The following NUDT3 variants were observed in gnomAD, a reference collection of about 807,000 sequenced individuals.
NUDT3 encodes the protein diphosphoinositol polyphosphate phosphohydrolase 1.
In NUDT3, 9 loss-of-function variants were observed where a neutral mutation model predicts 23.6. The ratio of observed to expected loss-of-function variants is 0.38; its 90% CI spans 0.23 to 0.66. The LOEUF is 0.66. Among genes scored for constraint, NUDT3 ranks in the 30% least tolerant of loss-of-function variants. The pLI, the probability that NUDT3 is intolerant of heterozygous loss-of-function variation, is 0.52. For missense variants in NUDT3, 172 were observed against 218.5 expected (o/e 0.79, Z 1.34); for synonymous variants, 86 against 82.6 (o/e 1.04, Z -0.22).
chr6:34,318,731 ATT>A (rs55946074), intron 2 of NUDT3, among the ~76,000 whole-genome samples: 2 of 150,702 alleles, frequency 1.3e-5, no homozygotes, highest in Non-Finnish European at 1.5e-5. Flanking sequence ...TTTAAAAAAA[ATT>A]TTTTTTTTAA....
At chr6:34,311,011 C>T (rs1401700011) in intron 2 of NUDT3, among the ~76,000 whole-genome samples, 2 of 150,642 alleles carry the variant, frequency 1.3e-5, no homozygotes, top group East Asian at 1.9e-4. Flanking sequence ...AAAAAACTCT[C>T]GACAAACTAG....
At chr6:34,382,720 A>G (rs2113768935) in intron 1 of NUDT3, among the ~76,000 whole-genome samples, 1 of 152,130 alleles carries the variant, frequency 6.6e-6, no homozygotes, top group East Asian at 1.9e-4. Context: ...AATCTTAGCT[A>G]CACGGGAGGC....
At chr6:34,307,022 G>A (rs1763691525) in intron 2 of NUDT3, among the ~76,000 whole-genome samples, 1 of 152,142 alleles carries the variant, frequency 6.6e-6, no homozygotes, top group Non-Finnish European at 1.5e-5. Context: ...TTGTGAAGAG[G>A]AGTCTATTAA....
At chr6:34,307,197 C>T (rs375156281) in intron 2 of NUDT3, among the ~76,000 whole-genome samples, 2 of 152,072 alleles carry the variant, frequency 1.3e-5, no homozygotes, top group East Asian at 1.9e-4. Flanking sequence ...TGCATGAGCC[C>T]AGGAGTTCAA....
intron 2 of NUDT3, among the ~76,000 whole-genome samples, chr6:34,308,293 A>C (rs1233280641): frequency 6.6e-6 from 1 of 151,818 alleles, no homozygotes; most frequent in South Asian, 2.1e-4. Context: ...CCCTCTCTCT[A>C]CAAGAAATAA....
intron 1 of NUDT3, among the ~76,000 whole-genome samples, chr6:34,382,334 T>G (rs1456825146): frequency 1.3e-5 from 2 of 151,510 alleles, no homozygotes; most frequent in African/African-American, 2.4e-5. Context: ...GCCCGGAAGG[T>G]TGGGGCTGCA....
Position 34,287,670 on chromosome 6 carries a change from G to A in NUDT3, c.*1083C>T, listed in dbSNP as rs1370366917. ...AGGACTACATTGATGCACCTGCAAA[G>A]TAAAGTTGGATGCTTCAGAGCACAT... On this transcript the variant is annotated 3_prime_UTR_variant, in exon 5 of 5. Transcript: ENST00000607016. 6.6e-6 allele frequency: 1 copy of A among 152,246 alleles called. No homozygotes were observed. The highest frequency in any genetic ancestry group is 2.4e-5 in the African/African-American group (1 of 41,458). 9.4% of individuals were successfully genotyped at this position (152,246 alleles called of 1,614,324 possible).
chr6:34,325,550 C>A (rs1764012599), intron 2 of NUDT3, among the ~76,000 whole-genome samples: 1 of 152,130 alleles, frequency 6.6e-6, no homozygotes, highest in African/African-American at 2.4e-5. Flanking sequence ...ACTTCTTTTG[C>A]TGTATTTTTG....
chr6:34,330,661 G>GT (rs745858554), intron 2 of NUDT3, among the ~76,000 whole-genome samples: 8 of 151,948 alleles, frequency 5.3e-5, no homozygotes, highest in Non-Finnish European at 1.2e-4. Flanking sequence ...GCTGGGTGTG[G>GT]TGGTGCATGC....
rs544269134 is a variant in NUDT3 at position 34,387,869 on chromosome 6, G to T, written c.99+4395C>A. On this transcript the variant is annotated intron_variant, in intron 1 of 4. Transcript: ENST00000607016. Reference sequence around the variant, plus strand: ...TATTATCGAAGAAAAATAATTTTTTGATTTAGTGCAACCTAAGCTGTACAG... The same window carrying T: ...TATTATCGAAGAAAAATAATTTTTTTATTTAGTGCAACCTAAGCTGTACAG... Among the ~76,000 whole-genome samples the T allele has an allele frequency of 8.5e-5, 13 of 152,072 alleles. No homozygotes were observed. In the South Asian group the frequency reaches 2.7e-3, roughly 32 times the overall value.
chr6:34,321,583 T>C (rs1763943163), intron 2 of NUDT3, among the ~76,000 whole-genome samples: 1 of 152,190 alleles, frequency 6.6e-6, no homozygotes, highest in Non-Finnish European at 1.5e-5. Context: ...CAGTGAGGTA[T>C]AATATATATA....
chr6:34,375,323 G>A (rs938264508), intron 1 of NUDT3, among the ~76,000 whole-genome samples: 2 of 152,034 alleles, frequency 1.3e-5, no homozygotes, highest in Non-Finnish European at 2.9e-5. Flanking sequence ...CAGCCTGGGC[G>A]ACAGAGTAAG....
At chr6:34,347,583 G>A (rs1764393883) in intron 1 of NUDT3, among the ~76,000 whole-genome samples, 1 of 152,214 alleles carries the variant, frequency 6.6e-6, no homozygotes, top group African/African-American at 2.4e-5. Context: ...CATGTGTGCA[G>A]TGAAATGATA....
intron 2 of NUDT3, among the ~76,000 whole-genome samples, chr6:34,340,176 C>T (rs1010433873): frequency 1.3e-5 from 2 of 152,136 alleles, no homozygotes; most frequent in East Asian, 1.9e-4. Flanking sequence ...GAGACAAGCC[C>T]GCAAACAAAA....
intron 1 of NUDT3, among the ~76,000 whole-genome samples, chr6:34,343,751 T>C (rs1049647961): frequency 1.3e-5 from 2 of 152,164 alleles, no homozygotes; most frequent in African/African-American, 2.4e-5. Context: ...CTGGAATTTA[T>C]TGAAATTAAA....
intron 1 of NUDT3, among the ~76,000 whole-genome samples, chr6:34,377,013 C>T (rs1258527513): frequency 6.6e-6 from 1 of 152,154 alleles, no homozygotes; most frequent in African/African-American, 2.4e-5. Flanking sequence ...TCTTTCCCCT[C>T]CTTTCTACGT....
At position 34,297,718 on chromosome 6, in the gene NUDT3, T is replaced by TAAAA. The variant is rs200099331; in HGVS notation, c.211-2037_211-2034dup. On this transcript the variant is annotated intron_variant, in intron 2 of 4. Coordinates refer to ENST00000607016, the MANE Select transcript of NUDT3 (RefSeq NM_006703.4). Reference sequence around the variant, plus strand: ...TGCACATCACTACACCCGGCTAATGTAAAAAAAAAAAAATATATATATATA... The same window carrying TAAAA: ...TGCACATCACTACACCCGGCTAATGTAAAAAAAAAAAAAAAAATATATATATATA... Among the ~76,000 whole-genome samples the TAAAA allele has an allele frequency of 9.7e-4, 76 of 78,752 alleles. 3 individuals carry two copies. Among genetic ancestry groups the TAAAA allele is most frequent in the African/African-American group, 3.2e-3 (66 of 20,868 alleles). The allele number at this position is 78,752 out of a possible 152,430, so 51.7% of individuals were successfully genotyped here. A position where few individuals can be genotyped will look rare whatever the true frequency, so the allele number is the denominator to read the frequency against.
intron 2 of NUDT3, among the ~76,000 whole-genome samples, chr6:34,326,425 CTCAT>C (rs1325064086): frequency 2.0e-5 from 3 of 152,160 alleles, no homozygotes; most frequent in African/African-American, 7.2e-5. Flanking sequence ...CGGAACACAG[CTCAT>C]TCATTTAATT....
chr6:34,326,042 G>A (rs1485051287), intron 2 of NUDT3, among the ~76,000 whole-genome samples: 1 of 150,936 alleles, frequency 6.6e-6, no homozygotes, highest in Non-Finnish European at 1.5e-5. Flanking sequence ...TAAAGATAAA[G>A]CCATAGGCCA....
Sources: gnomAD v4.1 joint callset for allele counts (sites outside exome capture counted in the v4.1 genomes callset) on GRCh38, gnomAD v4.1.1 for gene constraint, MANE v1.5 for transcripts, NCBI Gene and HGNC (gene_info 2026-07-23, HGNC 2026-07-21) for gene names.